The following ZNF385D variants were observed in gnomAD, a reference collection of about 807,000 sequenced individuals.
ZNF385D encodes the protein zinc finger protein 659.
Under a neutral mutation model 35.8 loss-of-function variants are expected in ZNF385D, and 15 were observed. The ratio of observed to expected loss-of-function variants is 0.42; its 90% CI spans 0.28 to 0.64. The LOEUF (loss-of-function observed/expected upper bound fraction) is 0.64. ZNF385D is among the 30% of genes least tolerant of loss of function. The pLI, the probability that ZNF385D is intolerant of heterozygous loss-of-function variation, is 0.23. For synonymous variants in ZNF385D, 212 were observed against 186.8 expected, an observed-to-expected ratio of 1.13 and a Z score of -1.10; for missense variants, 474 against 494.6, an observed-to-expected ratio of 0.96 and a Z score of 0.39.
intron 4 of ZNF385D, 30 bp from the exon 5 acceptor site, chr3:21,437,233 G>A (rs1480502468): frequency 3.2e-6 from 5 of 1,579,190 alleles, no homozygotes; most frequent in Non-Finnish European, 4.3e-6. Flanking sequence ...GAAAAAAGGG[G>A]GAAAAACAAT....
intron 2 of ZNF385D, among the ~76,000 whole-genome samples, chr3:21,636,363 ATTATATATATATGAT>A: frequency 2.0e-5 from 2 of 100,924 alleles, no homozygotes; most frequent in Non-Finnish European, 3.9e-5. Flanking sequence ...ATTATATATG[ATTATATATATATGAT>A]TATATATATA....
intron 3 of ZNF385D, among the ~76,000 whole-genome samples, chr3:22,167,643 C>A (rs1322047757): frequency 6.6e-6 from 1 of 152,162 alleles, no homozygotes; most frequent in Non-Finnish European, 1.5e-5. Context: ...GCAGAGCCAG[C>A]CCCAAAGCCG....
chr3:21,493,834 C>T (rs993691194), intron 4 of ZNF385D, among the ~76,000 whole-genome samples: 3 of 152,044 alleles, frequency 2.0e-5, no homozygotes, highest in Non-Finnish European at 4.4e-5. Context: ...AGCACTTTTC[C>T]AAAGCAATAA....
chr3:21,536,559 G>T (rs1393862130), intron 3 of ZNF385D, among the ~76,000 whole-genome samples: 2 of 152,022 alleles, frequency 1.3e-5, no homozygotes, highest in South Asian at 2.1e-4. Context: ...TATTTATTTG[G>T]TCATTAATTT....
rs867516459 is a variant in ZNF385D at position 21,564,900 on chromosome 3, C to T, written c.166-216G>A. On this transcript the variant is annotated intron_variant, in intron 2 of 7. Coordinates refer to ENST00000281523, the MANE Select transcript of ZNF385D (RefSeq NM_024697.3). ...GTATGATAAGGAAATGATAAATTTA[C>T]CCATTAGAGTCTGCATACTAACTGT... is the stretch of plus-strand genomic sequence containing the variant. Among the ~76,000 whole-genome samples the T allele has an allele frequency of 3.9e-5, 6 of 152,188 alleles. No homozygotes were observed. The South Asian group carries it at 1.2e-3, about 32-fold the overall frequency.
intron 1 of ZNF385D, among the ~76,000 whole-genome samples, chr3:21,709,116 T>C (rs1007001397): frequency 6.6e-6 from 1 of 152,132 alleles, no homozygotes; most frequent in Admixed American, 6.6e-5. Context: ...AAACCACAAA[T>C]ATGGTGCTGT....
chr3:21,881,335 T>C (rs1005661438), intron 3 of ZNF385D, among the ~76,000 whole-genome samples: 4 of 151,994 alleles, frequency 2.6e-5, no homozygotes, highest in African/African-American at 4.8e-5. Flanking sequence ...CCAGTGCTCA[T>C]TGACCATTCC....
intron 2 of ZNF385D, among the ~76,000 whole-genome samples, chr3:22,190,680 C>T (rs893963166): frequency 1.3e-5 from 2 of 152,170 alleles, no homozygotes; most frequent in African/African-American, 4.8e-5. Context: ...AAACTGTCCC[C>T]TATGAATAAC....
chr3:21,608,592 A>G (rs565974880), intron 2 of ZNF385D, among the ~76,000 whole-genome samples: 1 of 152,370 alleles, frequency 6.6e-6, no homozygotes, highest in East Asian at 1.9e-4. Flanking sequence ...ATGAAAATAA[A>G]TTAATACGTG....
intron 3 of ZNF385D, among the ~76,000 whole-genome samples, chr3:21,907,583 A>ATTAT (rs1699744407): frequency 6.6e-6 from 1 of 152,146 alleles, no homozygotes; most frequent in African/African-American, 2.4e-5. Flanking sequence ...AATGTGCACG[A>ATTAT]GTCAGATTAG....
At chr3:22,003,304 C>G (rs1695976584) in intron 3 of ZNF385D, among the ~76,000 whole-genome samples, 1 of 152,038 alleles carries the variant, frequency 6.6e-6, no homozygotes, top group Admixed American at 6.6e-5. Flanking sequence ...AAACAGATAT[C>G]AAGACCACAA....
chr3:21,607,983 C>T (rs1414679073), intron 2 of ZNF385D, among the ~76,000 whole-genome samples: 1 of 138,666 alleles, frequency 7.2e-6, no homozygotes, highest in Admixed American at 7.3e-5. Flanking sequence ...GCCAAATAAC[C>T]GTAATGAAAA....
intron 2 of ZNF385D, among the ~76,000 whole-genome samples, chr3:22,371,741 C>A (rs369956003): frequency 3.3e-5 from 5 of 152,110 alleles, no homozygotes; most frequent in Admixed American, 1.3e-4. Flanking sequence ...TCAATGGAAG[C>A]GTAAAAAGAG....
intron 3 of ZNF385D, among the ~76,000 whole-genome samples, chr3:21,981,211 G>A (rs1694425128): frequency 6.6e-6 from 1 of 152,034 alleles, no homozygotes; most frequent in South Asian, 2.1e-4. Flanking sequence ...CCATTTTTCT[G>A]CAACCTCACA....
chr3:22,115,685 G>A (rs183819588), intron 3 of ZNF385D, among the ~76,000 whole-genome samples: 2 of 152,112 alleles, frequency 1.3e-5, no homozygotes, highest in Admixed American at 6.6e-5. Flanking sequence ...TAGTAGCTTG[G>A]TTAGCTTTTC....
chr3:22,203,111 T>A (rs1433176859), intron 2 of ZNF385D, among the ~76,000 whole-genome samples: 2 of 152,042 alleles, frequency 1.3e-5, no homozygotes, highest in African/African-American at 4.8e-5. Context: ...GCAGTGCAGC[T>A]CACAGCTCCA....
At chr3:21,979,484 T>G (rs1158370994) in intron 3 of ZNF385D, 2 of 152,172 alleles carry the variant, frequency 1.3e-5, no homozygotes, top group African/African-American at 4.8e-5. Context: ...TCACAATAAG[T>G]AAGTTTTCCT....
intron 3 of ZNF385D, among the ~76,000 whole-genome samples, chr3:21,530,953 C>T (rs1274148602): frequency 1.3e-5 from 2 of 152,054 alleles, no homozygotes; most frequent in Admixed American, 6.6e-5. Context: ...AATCCTAGCG[C>T]TGCAGTGGCT....
At position 21,666,806 on chromosome 3, in the gene ZNF385D, G is replaced by T. The variant is rs376095054; in HGVS notation, c.23-1778C>A. Among the ~76,000 whole-genome samples the T allele has an allele frequency of 3.3e-5, 5 of 152,284 alleles. No homozygotes were observed. In the East Asian group the frequency reaches 9.7e-4, roughly 29 times the overall value. On this transcript the variant is annotated intron_variant, in intron 1 of 7. Transcript: ENST00000281523. The stretch of plus-strand genomic sequence containing the variant: ...AAAACTCAGAAGTAAGGCCAGGTGT[G>T]GTGGCTCACGCCTGTAATCCCAGCA...
Sources: allele counts gnomAD v4.1 joint callset (sites outside exome capture counted in the v4.1 genomes callset), GRCh38; gene constraint gnomAD v4.1.1; transcripts MANE v1.5; gene names NCBI Gene and HGNC (gene_info 2026-07-23, HGNC 2026-07-21).